DPEP2: variants seen among roughly 807,000 people sequenced by gnomAD.
DPEP2 encodes the protein dipeptidase 2.
A neutral mutation model predicts 51.8 loss-of-function variants in DPEP2; 45 were observed. That is an observed-to-expected ratio of 0.87 (90% CI 0.68 to 1.11). The LOEUF (loss-of-function observed/expected upper bound fraction) is 1.11, where lower values mean the gene tolerates loss of function less well. Ranked by LOEUF, DPEP2 falls within the 50% of genes most tolerant of loss-of-function variation. The pLI, the probability that DPEP2 is intolerant of heterozygous loss-of-function variation, is 0.00. For synonymous variants in DPEP2, 255 were observed against 262.7 expected (o/e 0.97, Z 0.28); for missense variants, 604 against 631.9 (o/e 0.96, Z 0.47).
chr16:67,989,214 C>G (rs1410338461), intron 9 of DPEP2, 109 bp downstream of exon 9: 2 of 1,203,510 alleles, frequency 1.7e-6, no homozygotes, highest in Non-Finnish European at 2.4e-6. Flanking sequence ...GCCCAGAGAA[C>G]TGATCCCGGG....
At chr16:67,993,506 G>A (rs1393780576) in intron 1 of DPEP2, 11 of 1,177,718 alleles carry the variant, frequency 9.3e-6, no homozygotes, top group Middle Eastern at 6.9e-4. Flanking sequence ...CTGTCTTAGG[G>A]CCCTCCACCC....
Position 67,987,511 on chromosome 16 carries a change from GC to G in DPEP2, c.1455del (p.Trp485CysfsTer34). 1.2e-6 allele frequency: 2 copies of G among 1,607,310 alleles called. No individual in the cohort carries two copies. The highest frequency in any genetic ancestry group is 1.7e-6 in the Non-Finnish European group (2 of 1,174,208). ...VVATFPVLIL[W>X]L ...TGGCAGGACTAACTGGGTCATCAGA[GC>G]CACAGAATAAGGACTGGGAAGGTGG... On this transcript the variant is annotated frameshift_variant, in exon 11 of 11. Transcript: ENST00000393847. LOFTEE classifies it high-confidence loss of function.
intron 1 of DPEP2, among the ~76,000 whole-genome samples, chr16:67,998,713 T>C (rs530132210): frequency 6.6e-6 from 1 of 150,996 alleles, no homozygotes; most frequent in African/African-American, 2.5e-5. Context: ...TCTTTACGTC[T>C]AGCTCAGGAT....
rs756502810 is a variant in DPEP2, at chr16:67,987,861, T to C, written c.1197A>G (p.Gln399=). The C allele has an allele frequency of 8.1e-6, 13 of 1,614,160 alleles. No homozygotes were observed. The highest frequency in any genetic ancestry group is 1.1e-5 in the Non-Finnish European group (13 of 1,180,022). ...LRGNLLRVFR[Q]VEKVQEENKW... ...GCCCAGCCCAGAGTACCTTTTCCAC[T>C]TGTCTGAAGACCCGCAGCAGGTTTC... Residue 399 remains glutamine (Q), a synonymous_variant, in exon 10 of 11, where the codon CAA becomes CAG. Transcript: ENST00000393847.
intron 3 of DPEP2, 153 bp from the exon 4 acceptor site, chr16:67,992,346 G>A (rs2032277652): frequency 1.1e-6 from 1 of 907,828 alleles, no homozygotes; most frequent in African/African-American, 1.8e-5. Flanking sequence ...CCACCAAGCT[G>A]GCTCACTGTA....
At position 67,990,136 on chromosome 16, in the gene DPEP2, A is replaced by AG; in HGVS notation, c.910-6dup. ...CACGACGCCACCGTTCTTCTTCTGCAGGGGCGGGCAAGTGGACACTTAGCC... is the reference window on the plus strand; with the variant it reads ...CACGACGCCACCGTTCTTCTTCTGCAGGGGGCGGGCAAGTGGACACTTAGCC... On this transcript the variant is annotated splice_region_variant and splice_polypyrimidine_tract_variant and intron_variant, in intron 7 of 10. Coordinates refer to ENST00000393847, the MANE Select transcript of DPEP2 (RefSeq NM_022355.4). 1 of 1,613,880 alleles carries AG rather than the reference A, an allele frequency of 6.2e-7. No homozygotes were observed. Among genetic ancestry groups the AG allele is most frequent in the South Asian group, 1.1e-5 (1 of 91,078 alleles).
At chr16:67,996,671 C>T (rs1048119221) in intron 1 of DPEP2, among the ~76,000 whole-genome samples, 3 of 151,944 alleles carry the variant, frequency 2.0e-5, no homozygotes, top group South Asian at 2.1e-4. Flanking sequence ...TGTGAGCGAC[C>T]GCACTCGGCC....
intron 1 of DPEP2, among the ~76,000 whole-genome samples, chr16:67,998,802 A>T (rs1028504448): frequency 6.6e-6 from 1 of 152,198 alleles, no homozygotes; most frequent in Non-Finnish European, 1.5e-5. Flanking sequence ...TCTAGCTCAG[A>T]GTTTGTGAAT....
Position 67,987,656 on chromosome 16 carries a change from C to CT in DPEP2, c.1310dup (p.Ser438GlufsTer10), listed in dbSNP as rs1424993780. On this transcript the variant is annotated frameshift_variant, in exon 11 of 11. Coordinates refer to ENST00000393847, the MANE Select transcript of DPEP2 (RefSeq NM_022355.4). LOFTEE classifies it high-confidence loss of function. Reference sequence around the variant, plus strand: ...TGAGTTCCTGGCCTGAAGTCAGACTCTGTCTCTGACGCAGACGTGAGAGGT... The same window carrying CT: ...TGAGTTCCTGGCCTGAAGTCAGACTCTTGTCTCTGACGCAGACGTGAGAGGT... 3 of 1,614,206 alleles carry CT rather than the reference C, an allele frequency of 1.9e-6. No homozygotes were observed. Among genetic ancestry groups the CT allele is most frequent in the Non-Finnish European group, 2.5e-6 (3 of 1,180,036 alleles).
intron 1 of DPEP2, chr16:67,993,543 A>AG: frequency 9.3e-7 from 1 of 1,073,320 alleles, no homozygotes; most frequent in Non-Finnish European, 1.1e-6. Context: ...CACTGTCCCC[A>AG]GGGGGCCGAC....
At chr16:67,999,492 C>T (rs1232657590), upstream of DPEP2, 5 of 987,308 alleles carry the variant, frequency 5.1e-6, no homozygotes, top group Non-Finnish European at 6.0e-6. Context: ...TGTGCTGTTT[C>T]CCCTGCAAGG....
chr16:67,999,979 T>G (rs1387938338), upstream of DPEP2, among the ~76,000 whole-genome samples: 1 of 152,172 alleles, frequency 6.6e-6, no homozygotes, highest in African/African-American at 2.4e-5. Context: ...TGCAGAAATC[T>G]ACCGAATTTC....
At chr16:67,992,793 G>A (rs1252096512) in intron 2 of DPEP2, 157 bp from the exon 3 acceptor site, 4 of 1,482,334 alleles carry the variant, frequency 2.7e-6, no homozygotes, top group African/African-American at 1.4e-5. Context: ...CCACCCAAGA[G>A]GGGATGACAG....
At chr16:67,993,772 G>C (rs2032481236) in intron 1 of DPEP2, 1 of 985,772 alleles carries the variant, frequency 1.0e-6, no homozygotes, top group Non-Finnish European at 1.2e-6. Flanking sequence ...TTGTGTGGGT[G>C]GGTGTGGGGG....
chr16:67,992,851 G>A lies in DPEP2; in HGVS notation c.263+99C>T, dbSNP rs1011256296. 6 of 1,494,530 alleles carry A rather than the reference G, an allele frequency of 4.0e-6. No individual in the cohort carries two copies. In the African/African-American group the frequency reaches 5.5e-5, roughly 14 times the overall value. The allele number at this position is 1,494,530 out of a possible 1,614,324, so 92.6% of individuals were successfully genotyped here. A position where few individuals can be genotyped will look rare whatever the true frequency, so the allele number is the denominator to read the frequency against. ...GACGGGAGAGAGGGCATCCAGGGGT[G>A]GTGTGAGGGAGCCTCCTCCACAGCC... is the stretch of plus-strand genomic sequence containing the variant. On this transcript the variant is annotated intron_variant, in intron 2 of 10. Transcript: ENST00000393847.
intron 2 of DPEP2, 76 bp downstream of exon 2, chr16:67,992,874 G>T (rs1333556641): frequency 4.6e-6 from 7 of 1,527,876 alleles, no homozygotes; most frequent in Non-Finnish European, 6.2e-6. Flanking sequence ...CTCCTCCACA[G>T]CCCTGCATAC....
intron 2 of DPEP2, 76 bp downstream of exon 2, chr16:67,992,873 AG>A: frequency 6.6e-7 from 1 of 1,519,004 alleles, no homozygotes; most frequent in Non-Finnish European, 8.8e-7. Flanking sequence ...CCTCCTCCAC[AG>A]CCCTGCATAC....
At chr16:67,997,908 G>A (rs967910357) in intron 1 of DPEP2, among the ~76,000 whole-genome samples, 2 of 152,170 alleles carry the variant, frequency 1.3e-5, no homozygotes, top group South Asian at 4.1e-4. Context: ...CAGGCCCTGA[G>A]TTTCCCCGCC....
chr16:67,995,659 A>G (rs1056980021), intron 1 of DPEP2, among the ~76,000 whole-genome samples: 4 of 152,132 alleles, frequency 2.6e-5, no homozygotes, highest in Non-Finnish European at 1.5e-5. Context: ...ATTATGTGTT[A>G]TATGTATTGA....
Sources: allele counts gnomAD v4.1 joint callset (sites outside exome capture counted in the v4.1 genomes callset), GRCh38; gene constraint gnomAD v4.1.1; transcripts MANE v1.5; gene names NCBI Gene and HGNC (gene_info 2026-07-23, HGNC 2026-07-21).